The following ASXL2 variants were observed in gnomAD, a reference collection of about 807,000 sequenced individuals.
The protein encoded by ASXL2 is putative Polycomb group protein ASXL2.
ASXL2 carries 23 observed loss-of-function variants against 122.0 expected under a neutral mutation model. The observed-to-expected ratio is 0.19, with a 90% confidence interval of 0.14 to 0.27. The LOEUF is 0.27. Among genes scored for constraint, ASXL2 ranks in the 10% least tolerant of loss-of-function variants. The pLI, the probability that ASXL2 is intolerant of heterozygous loss-of-function variation, is 1.00. For missense variants in ASXL2, 1,518 were observed against 1,713.8 expected, an observed-to-expected ratio of 0.89 and a Z score of 2.02; for synonymous variants, 650 against 637.0, an observed-to-expected ratio of 1.02 and a Z score of -0.31.
At chr2:25,802,982 ATTAG>A (rs1217177171) in intron 4 of ASXL2, among the ~76,000 whole-genome samples, 2 of 152,104 alleles carry the variant, frequency 1.3e-5, no homozygotes, top group Non-Finnish European at 2.9e-5. Context: ...AATACAAAAA[ATTAG>A]TTAGGCGAGG....
intron 1 of ASXL2, among the ~76,000 whole-genome samples, chr2:25,864,527 T>G (rs931136107): frequency 6.6e-6 from 1 of 152,118 alleles, no homozygotes; most frequent in African/African-American, 2.4e-5. Flanking sequence ...CTTTTTAAAT[T>G]GTGATAAAAG....
Position 25,768,613 on chromosome 2 carries a change from T to C in ASXL2, c.631+129A>G, listed in dbSNP as rs1419308485. The stretch of plus-strand genomic sequence containing the variant: ...TTTATCCTGGATTTATATTGATGTT[T>C]TGGCAGTACAAGGATTGTGTAAGTA... On this transcript the variant is annotated intron_variant, in intron 7 of 12. Coordinates refer to ENST00000435504, the MANE Select transcript of ASXL2 (RefSeq NM_018263.6). 7 of 966,870 alleles carry C rather than the reference T, an allele frequency of 7.2e-6. No homozygotes were observed. The African/African-American group carries it at 8.2e-5, about 11-fold the overall frequency. The allele number at this position is 966,870 out of a possible 1,614,324, so 59.9% of individuals were successfully genotyped here.
intron 4 of ASXL2, among the ~76,000 whole-genome samples, chr2:25,803,001 A>T (rs368387518): frequency 1.3e-4 from 20 of 152,254 alleles, no homozygotes; most frequent in East Asian, 7.7e-4. Context: ...GCGAGGTGGC[A>T]AGCACCTATA....
chr2:25,809,818 A>G (rs2089139487), intron 3 of ASXL2: 1 of 436,040 alleles, frequency 2.3e-6, no homozygotes, highest in Non-Finnish European at 4.5e-6. Context: ...GGGGGCAGCG[A>G]AAGGAGAAAG....
chr2:25,878,230 C>CT lies in ASXL2; in HGVS notation c.-9dup, dbSNP rs775781298. 1.9e-6 allele frequency: 3 copies of CT among 1,613,758 alleles called. No individual in the cohort carries two copies. The Admixed American group carries it at 5.0e-5, about 27-fold the overall frequency. ...ACGTCCCTTTTCCCTCATGTCGGGTCTTGAACTGACTGGGAGGCTCCCGTG... is the reference window on the plus strand; with the variant it reads ...ACGTCCCTTTTCCCTCATGTCGGGTCTTTGAACTGACTGGGAGGCTCCCGTG... On this transcript the variant is annotated 5_prime_UTR_variant, in exon 1 of 13. Transcript: ENST00000435504.
In ASXL2 at chr2:25,759,618, T is replaced by G; in HGVS notation, c.803A>C (p.Asp268Ala). The G allele has an allele frequency of 6.2e-7, 1 of 1,613,420 alleles. No homozygotes were observed. Among genetic ancestry groups the G allele is most frequent in the Non-Finnish European group, 8.5e-7 (1 of 1,179,492 alleles). The part of the protein sequence containing the change: ...TRQMKRTKCA[D>A]IDVETPDSIL... ...GGAGTCCGGTGTCTCAACGTCAATG[T>G]CAGCACATTTAGTTCTTTTCATTTG... is the stretch of plus-strand genomic sequence containing the variant. Residue 268 changes from aspartate (D) to alanine (A), a missense_variant, in exon 9 of 13, where the codon GAC becomes GCC. Asp to Ala is a moderately radical substitution (Grantham distance 126). Around this residue, in one of 8 missense-constraint regions of ASXL2, gnomAD observed 198 missense variants for 209.0 expected, o/e 0.95. Transcript: ENST00000435504.
At chr2:25,857,549 T>G (rs1169305313) in intron 1 of ASXL2, among the ~76,000 whole-genome samples, 1 of 152,202 alleles carries the variant, frequency 6.6e-6, no homozygotes, top group African/African-American at 2.4e-5. Flanking sequence ...AGGCAGGCAC[T>G]CTCCTGCTTC....
At chr2:25,811,111 T>C (rs1054564572) in intron 3 of ASXL2, among the ~76,000 whole-genome samples, 4 of 116,908 alleles carry the variant, frequency 3.4e-5, no homozygotes, top group East Asian at 2.1e-4. Flanking sequence ...AAATCAGCCA[T>C]GCATTGTGGC....
In ASXL2 at chr2:25,759,740, G is replaced by GT; in HGVS notation, c.776-96dup. ...TGTGCAGTATAAAAAATCCACAATT[G>GT]TAAGCATTTAAATATCACACTACGA... On this transcript the variant is annotated intron_variant, in intron 8 of 12. Transcript: ENST00000435504. The GT allele has an allele frequency of 2.3e-6, 3 of 1,291,704 alleles. No homozygotes were observed. The South Asian group carries it at 5.0e-5, about 22-fold the overall frequency. The allele number at this position is 1,291,704 out of a possible 1,614,324, so 80.0% of individuals were successfully genotyped here.
chr2:25,769,675 AAAAG>A (rs1559505920), intron 6 of ASXL2, among the ~76,000 whole-genome samples: 1 of 152,088 alleles, frequency 6.6e-6, no homozygotes, highest in Admixed American at 6.5e-5. Flanking sequence ...TAAAAAAAAA[AAAAG>A]AAAAAGAAAC....
rs35452199 is a variant in ASXL2, at chr2:25,846,655, G to GAA, written c.58-1094_58-1093dup. ...AGAGCGAGACTCCATCTCAAAAAAA[G>GAA]AAAAAAAAAAATTAGCAGGGCATGG... On this transcript the variant is annotated intron_variant, in intron 1 of 12. Coordinates refer to ENST00000435504, the MANE Select transcript of ASXL2 (RefSeq NM_018263.6). Among the ~76,000 whole-genome samples the GAA allele has an allele frequency of 2.5e-3, 370 of 147,274 alleles. 3 individuals carry two copies. The highest frequency in any genetic ancestry group is 8.3e-3 in the African/African-American group (333 of 40,060).
intron 2 of ASXL2, among the ~76,000 whole-genome samples, chr2:25,840,504 T>A (rs1303814175): frequency 6.6e-6 from 1 of 152,204 alleles, no homozygotes; most frequent in African/African-American, 2.4e-5. Flanking sequence ...AGAAATTCTG[T>A]ACTCATTTAA....
At chr2:25,788,887 T>G (rs2088788996) in intron 5 of ASXL2, among the ~76,000 whole-genome samples, 1 of 152,168 alleles carries the variant, frequency 6.6e-6, no homozygotes, top group Admixed American at 6.5e-5. Context: ...AAAGTTACGT[T>G]TTGATGAATG....
intron 4 of ASXL2, among the ~76,000 whole-genome samples, chr2:25,800,235 C>T (rs1239619368): frequency 2.0e-5 from 3 of 152,100 alleles, no homozygotes; most frequent in African/African-American, 4.8e-5. Context: ...AAGTTTGAGG[C>T]TGCAGTGAGC....
At chr2:25,819,017 T>C (rs946074872) in intron 3 of ASXL2, among the ~76,000 whole-genome samples, 1 of 152,162 alleles carries the variant, frequency 6.6e-6, no homozygotes, top group African/African-American at 2.4e-5. Context: ...TGTGGCCATG[T>C]TGGGGAAGGC....
chr2:25,782,659 C>A (rs2088664764), intron 5 of ASXL2, among the ~76,000 whole-genome samples: 1 of 152,168 alleles, frequency 6.6e-6, no homozygotes, highest in African/African-American at 2.4e-5. Context: ...TAGTGTTCCC[C>A]CTTAAGACAC....
At chr2:25,852,936 G>A (rs1309606562) in intron 1 of ASXL2, among the ~76,000 whole-genome samples, 1 of 152,192 alleles carries the variant, frequency 6.6e-6, no homozygotes, top group Non-Finnish European at 1.5e-5. Context: ...CACTGACTGG[G>A]AGTCTAAAGG....
At chr2:25,820,086 A>G (rs973501224) in intron 3 of ASXL2, among the ~76,000 whole-genome samples, 1 of 151,954 alleles carries the variant, frequency 6.6e-6, no homozygotes. Context: ...TAATTATTTT[A>G]TTTTATTATT....
Position 25,750,168 on chromosome 2 carries a change from G to T in ASXL2, c.1388C>A (p.Pro463His), listed in dbSNP as rs184535083. ...VQPNFSTSSE[P>H]LLSSALNTHE... The stretch of plus-strand genomic sequence containing the variant: ...TGTATTGAGAGCTGAGGAAAGCAGG[G>T]GCTCTGAAGATGTGGAGAAGTTCGG... The change falls in exon 12 of 13, where the codon CCC (proline) becomes CAC (histidine). Residue 463 changes from proline (P) to histidine (H), a missense_variant. Coordinates refer to ENST00000435504, the MANE Select transcript of ASXL2 (RefSeq NM_018263.6). 6.2e-7 allele frequency: 1 copy of T among 1,613,836 alleles called. No homozygotes were observed. Among genetic ancestry groups the T allele is most frequent in the South Asian group, 1.1e-5 (1 of 91,084 alleles).
Sources: gnomAD v4.1 joint callset for allele counts (sites outside exome capture counted in the v4.1 genomes callset) on GRCh38, gnomAD v4.1.1 for gene constraint, gnomAD v4.1.1 regional missense constraint, MANE v1.5 for transcripts, NCBI Gene and HGNC (gene_info 2026-07-23, HGNC 2026-07-21) for gene names.